The following CACNG2 variants were observed in gnomAD, a reference collection of about 807,000 sequenced individuals.
CACNG2 encodes voltage-dependent calcium channel gamma-2 subunit.
CACNG2 carries 3 observed loss-of-function variants against 25.9 expected under a neutral mutation model. That is an observed-to-expected ratio of 0.12 (90% CI 0.05 to 0.30). The LOEUF is 0.30. Ranked by LOEUF, CACNG2 falls within the 10% of genes least tolerant of loss-of-function variation. The pLI is 1.00. For missense variants in CACNG2, 341 were observed against 432.5 expected (o/e 0.79, Z 1.88); for synonymous variants, 167 against 173.3 (o/e 0.96, Z 0.29).
At chr22:36,669,131 T>G (rs568723725) in intron 1 of CACNG2, among the ~76,000 whole-genome samples, 15 of 152,248 alleles carry the variant, frequency 9.9e-5, no homozygotes, top group Admixed American at 5.9e-4. Flanking sequence ...CCACCCACCC[T>G]AGAATGCCTG....
chr22:36,597,621 T>C lies in CACNG2; in HGVS notation c.212-10073A>G, dbSNP rs528213888. Among the ~76,000 whole-genome samples the C allele has an allele frequency of 3.2e-3, 487 of 152,350 alleles. 2 individuals carry two copies. The highest frequency in any genetic ancestry group is 0.011 in the African/African-American group (471 of 41,586). On this transcript the variant is annotated intron_variant, in intron 1 of 3. Transcript: ENST00000300105. ...CTCCTTCTTTTTCTTCTCTTTCAAA[T>C]GGCACCTCTTTCAGGAGGCCTTTCT...
intron 1 of CACNG2, among the ~76,000 whole-genome samples, chr22:36,616,443 G>A (rs570068376): frequency 2.0e-5 from 3 of 152,252 alleles, no homozygotes; most frequent in African/African-American, 7.2e-5. Context: ...CCATAGTCTA[G>A]CGCCTTACGA....
intron 1 of CACNG2, among the ~76,000 whole-genome samples, chr22:36,595,786 C>T (rs1192041785): frequency 6.6e-6 from 1 of 152,178 alleles, no homozygotes; most frequent in Admixed American, 6.5e-5. Context: ...CTCCATGGAA[C>T]CTCCATCCCA....
intron 1 of CACNG2, among the ~76,000 whole-genome samples, chr22:36,655,998 G>A (rs1936700737): frequency 6.6e-6 from 1 of 151,948 alleles, no homozygotes. Context: ...AGTAGAGACA[G>A]GGTTTCACCA....
chr22:36,606,757 CGTGT>C lies in CACNG2; in HGVS notation c.212-19213_212-19210del, dbSNP rs34178354. 0.059 allele frequency among the ~76,000 whole-genome samples: 8,701 copies of C among 148,012 alleles called. 297 individuals carry two copies. Among genetic ancestry groups the C allele is most frequent in the Admixed American group, 0.11 (1,609 of 14,898 alleles). ...ACGGAAACCAGACGGTTGGGCTGTG[CGTGT>C]GTGTGTGTGTGTGTGTGTATGTGTT... On this transcript the variant is annotated intron_variant, in intron 1 of 3. Transcript: ENST00000300105. This position sits in a 1 kb window ranked among gnomAD's most constrained non-coding sequence, Gnocchi z 5.7.
At chr22:36,671,109 G>T (rs2145992959) in intron 1 of CACNG2, among the ~76,000 whole-genome samples, 1 of 152,002 alleles carries the variant, frequency 6.6e-6, no homozygotes, top group East Asian at 1.9e-4. Flanking sequence ...AGTAGAGACG[G>T]GTTTTCACCA....
intron 2 of CACNG2, among the ~76,000 whole-genome samples, chr22:36,586,407 C>G (rs927719861): frequency 6.6e-5 from 10 of 152,138 alleles, no homozygotes; most frequent in African/African-American, 2.4e-4. Flanking sequence ...ATATTTTTTC[C>G]TTTAAAAAAA....
chr22:36,599,698 T>G (rs542120222), intron 1 of CACNG2, among the ~76,000 whole-genome samples: 45 of 151,810 alleles, frequency 3.0e-4, no homozygotes, highest in African/African-American at 1.1e-3. Flanking sequence ...AGACCCTGTC[T>G]CAAAGAAAAA....
intron 1 of CACNG2, among the ~76,000 whole-genome samples, chr22:36,687,686 G>A (rs1180215056): frequency 6.6e-6 from 1 of 152,248 alleles, no homozygotes; most frequent in Admixed American, 6.5e-5. Context: ...CTGCTAATCA[G>A]CGGACTGTAA....
At chr22:36,601,502 A>AT (rs201811706) in intron 1 of CACNG2, among the ~76,000 whole-genome samples, 192 of 148,232 alleles carry the variant, frequency 1.3e-3, no homozygotes, top group African/African-American at 4.6e-3. Context: ...TTTATTTTTT[A>AT]TTTTTTTTTG....
At chr22:36,573,573 A>G (rs143685057) in intron 2 of CACNG2, among the ~76,000 whole-genome samples, 116 of 152,278 alleles carry the variant, frequency 7.6e-4, no homozygotes, top group African/African-American at 2.7e-3. Flanking sequence ...CTCAAATGAT[A>G]TGCCTGCCTC....
intron 1 of CACNG2, among the ~76,000 whole-genome samples, chr22:36,676,803 G>C (rs547635941): frequency 6.6e-6 from 1 of 152,212 alleles, no homozygotes; most frequent in Non-Finnish European, 1.5e-5. Context: ...ATCCGGTGCT[G>C]TTCCCTCTAC....
chr22:36,615,990 T>A (rs1936016782), intron 1 of CACNG2, among the ~76,000 whole-genome samples: 2 of 152,184 alleles, frequency 1.3e-5, no homozygotes, highest in Non-Finnish European at 2.9e-5. Flanking sequence ...ATGGAGTGTT[T>A]ATCTCTCCTA....
chr22:36,608,415 C>T (rs562505433), intron 1 of CACNG2, among the ~76,000 whole-genome samples: 7 of 152,304 alleles, frequency 4.6e-5, no homozygotes, highest in East Asian at 1.9e-4. Flanking sequence ...ATTTTCCTAA[C>T]GGAATTGCAT....
intron 1 of CACNG2, among the ~76,000 whole-genome samples, chr22:36,683,106 C>G (rs776968144): frequency 1.3e-5 from 2 of 152,214 alleles, no homozygotes; most frequent in African/African-American, 2.4e-5. Context: ...TTTGCAGCAT[C>G]CTGTCTTTCT....
intron 1 of CACNG2, among the ~76,000 whole-genome samples, chr22:36,652,391 C>G (rs61416086): frequency 6.7e-6 from 1 of 148,758 alleles, no homozygotes; most frequent in African/African-American, 2.4e-5. Flanking sequence ...AGCCCTCCCT[C>G]TCAGCAGTAC....
At chr22:36,603,263 A>G (rs981664068) in intron 1 of CACNG2, among the ~76,000 whole-genome samples, 1 of 152,248 alleles carries the variant, frequency 6.6e-6, no homozygotes, top group African/African-American at 2.4e-5. Flanking sequence ...CTTCAATTGT[A>G]TGAAGGCTAA....
intron 1 of CACNG2, among the ~76,000 whole-genome samples, chr22:36,590,148 A>G (rs563613543): frequency 4.5e-4 from 68 of 152,240 alleles, no homozygotes; most frequent in Non-Finnish European, 6.3e-4. Context: ...AGGAGCTCAC[A>G]TTCTACGGGG....
chr22:36,669,885 G>A (rs146251386), intron 1 of CACNG2, among the ~76,000 whole-genome samples: 119 of 152,110 alleles, frequency 7.8e-4, no homozygotes, highest in African/African-American at 2.8e-3. Context: ...GTGAATTTTT[G>A]TGTTTTTAGT....
Sources: allele counts gnomAD v4.1 joint callset (sites outside exome capture counted in the v4.1 genomes callset), GRCh38; gene constraint gnomAD v4.1.1; non-coding constraint Gnocchi (gnomAD v3.1); transcripts MANE v1.5; gene names NCBI Gene and HGNC (gene_info 2026-07-23, HGNC 2026-07-21).